Variants in SLCO2B1 observed in about 807,000 individuals in gnomAD.
SLCO2B1 encodes the protein solute carrier organic anion transporter family member 2B1, also known as OATP-RP2.
SLCO2B1 carries 41 observed loss-of-function variants against 67.3 expected under a neutral mutation model. The observed-to-expected ratio is 0.61, with a 90% CI of 0.47 to 0.79. The LOEUF (loss-of-function observed/expected upper bound fraction) is 0.79. SLCO2B1 is among the 30% of genes least tolerant of loss of function. The probability of loss-of-function intolerance (pLI) is 0.00; values close to 1 mark genes in which losing one functional copy is unlikely to be tolerated. For synonymous variants in SLCO2B1, 379 were observed against 381.4 expected, an observed-to-expected ratio of 0.99 and a Z score of 0.07; for missense variants, 837 against 920.1, an observed-to-expected ratio of 0.91 and a Z score of 1.17.
chr11:75,159,154 A>G (rs1473720261), intron 1 of SLCO2B1, among the ~76,000 whole-genome samples: 1 of 152,244 alleles, frequency 6.6e-6, no homozygotes, highest in African/African-American at 2.4e-5. Flanking sequence ...GAAAGACAGT[A>G]GCCCGCCGGC....
chr11:75,189,703 T>C (rs1365549447), intron 8 of SLCO2B1, among the ~76,000 whole-genome samples: 4 of 152,074 alleles, frequency 2.6e-5, no homozygotes, highest in African/African-American at 2.4e-5. Context: ...TCCCAGCACT[T>C]TGGGGGACCA....
In SLCO2B1 at chr11:75,151,291, G is replaced by A. The variant is rs904303086; in HGVS notation, c.-91G>A. ...GTGGCTCACCTGCTGCTGTCTCCAG[G>A]AGCCCCTGAGAAGATTTGCTTCCTC... On this transcript the variant is annotated 5_prime_UTR_variant, in exon 1 of 14. Transcript: ENST00000289575. 6.7e-6 allele frequency: 8 copies of A among 1,199,034 alleles called. No individual in the cohort carries two copies. The African/African-American group carries it at 7.5e-5, about 11-fold the overall frequency. 74.3% of individuals were successfully genotyped at this position (1,199,034 alleles called of 1,614,324 possible).
intron 8 of SLCO2B1, among the ~76,000 whole-genome samples, chr11:75,189,109 C>T (rs1037760202): frequency 7.9e-5 from 12 of 152,200 alleles, no homozygotes; most frequent in African/African-American, 1.2e-4. Context: ...AATGATCTAA[C>T]GTCTTGAGGC....
Position 75,164,485 on chromosome 11 carries a change from G to A in SLCO2B1, c.285+385G>A, listed in dbSNP as rs546536778. Among the ~76,000 whole-genome samples the A allele has an allele frequency of 2.6e-4, 39 of 152,270 alleles. No individual in the cohort carries two copies. The South Asian group carries it at 7.5e-3, about 29-fold the overall frequency. ...AAATCGCATCAAGAGCAGAACCTCT[G>A]GGCCTTGGGATGGTCGCGGGAGGGA... On this transcript the variant is annotated intron_variant, in intron 3 of 13. Transcript: ENST00000289575.
chr11:75,206,484 T>C lies in SLCO2B1; in HGVS notation c.*1904T>C, dbSNP rs1353419847. ...TAAGGTCATGAGGATTTCTGAATCCTCACCTGTCCAAATTGTCATTCACAT... is the reference window on the plus strand; with the variant it reads ...TAAGGTCATGAGGATTTCTGAATCCCCACCTGTCCAAATTGTCATTCACAT... On this transcript the variant is annotated 3_prime_UTR_variant, in exon 14 of 14. Coordinates refer to ENST00000289575, the MANE Select transcript of SLCO2B1 (RefSeq NM_007256.5). The C allele has an allele frequency of 6.6e-6, 1 of 152,226 alleles. No individual in the cohort carries two copies. The highest frequency in any genetic ancestry group is 2.4e-5 in the African/African-American group (1 of 41,452). The allele number at this position is 152,226 out of a possible 1,614,324, so 9.4% of individuals were successfully genotyped here.
chr11:75,152,879 G>A (rs117144791), intron 1 of SLCO2B1, among the ~76,000 whole-genome samples: 1 of 152,166 alleles, frequency 6.6e-6, no homozygotes, highest in Non-Finnish European at 1.5e-5. Context: ...GTGGGAATGT[G>A]GGTGGGGTAG....
At chr11:75,180,821 A>G (rs1354775256) in intron 7 of SLCO2B1, among the ~76,000 whole-genome samples, 1 of 152,220 alleles carries the variant, frequency 6.6e-6, no homozygotes, top group African/African-American at 2.4e-5. Flanking sequence ...CCCATCTTAT[A>G]CCAGAGGGAC....
intron 10 of SLCO2B1, among the ~76,000 whole-genome samples, chr11:75,197,340 G>C (rs1945115013): frequency 6.6e-6 from 1 of 152,262 alleles, no homozygotes; most frequent in Non-Finnish European, 1.5e-5. Context: ...TTCATGGGAA[G>C]TGGCATTTGT....
rs369513696 is a variant in SLCO2B1, at chr11:75,193,531, C to T, written c.1389C>T (p.Ile463=). 2.9e-5 allele frequency: 46 copies of T among 1,581,050 alleles called. No individual in the cohort carries two copies. Among genetic ancestry groups the T allele is most frequent in the East Asian group, 6.7e-5 (3 of 44,502 alleles). The change falls in exon 9 of 14, where the codon ATC becomes ATT. Residue 463 remains isoleucine (I), a synonymous_variant. Transcript: ENST00000289575. The surrounding 1 kb of genome is among the most constrained non-coding windows in gnomAD (Gnocchi z 4.2). ...CLFFSLPLFF[I]GCSSHQIAGI... is the part of the protein sequence containing the mutation. ...TCTTCAGCCTGCCGCTCTTCTTTAT[C>T]GGCTGCTCCAGCCACCAGATTGCGG...
intron 1 of SLCO2B1, among the ~76,000 whole-genome samples, chr11:75,155,235 A>G (rs1733371614): frequency 6.6e-6 from 1 of 151,926 alleles, no homozygotes; most frequent in South Asian, 2.1e-4. Context: ...GCTGGGAGGA[A>G]TTTCCCAAAT....
intron 7 of SLCO2B1, among the ~76,000 whole-genome samples, chr11:75,186,502 C>T (rs1944934714): frequency 6.6e-6 from 1 of 151,746 alleles, no homozygotes; most frequent in Non-Finnish European, 1.5e-5. Context: ...AGCCGCCACG[C>T]CCGACTGATT....
At chr11:75,188,085 G>C (rs1944964467) in intron 7 of SLCO2B1, 51 bp from the exon 8 acceptor site, 3 of 1,330,832 alleles carry the variant, frequency 2.3e-6, no homozygotes, top group East Asian at 4.7e-5. Flanking sequence ...CCAACTCTGA[G>C]TGGGGTTGCT....
Position 75,193,231 on chromosome 11 carries a change from G to A in SLCO2B1, c.1089G>A (p.Val363=). The A allele has an allele frequency of 6.2e-7, 1 of 1,610,852 alleles. No homozygotes were observed. Among genetic ancestry groups the A allele is most frequent in the Admixed American group, 1.7e-5 (1 of 59,950 alleles). ...TCGCCCCCACAGTCTTCCCCAGGGT[G>A]CTGCTGCAGACCCTACGCCACCCCA... is the stretch of plus-strand genomic sequence containing the variant. The part of the protein sequence containing the change: ...VIQFIKVFPR[V]LLQTLRHPIF... The change falls in exon 9 of 14, where the codon GTG becomes GTA. Residue 363 remains valine (V), a synonymous_variant. Transcript: ENST00000289575. This position sits in a 1 kb window ranked among gnomAD's most constrained non-coding sequence, Gnocchi z 4.2.
At chr11:75,170,968 G>A (rs1026512516) in intron 6 of SLCO2B1, among the ~76,000 whole-genome samples, 4 of 152,198 alleles carry the variant, frequency 2.6e-5, no homozygotes, top group Non-Finnish European at 4.4e-5. Flanking sequence ...CTCCATGGGG[G>A]ATTTCACAGG....
intron 7 of SLCO2B1, among the ~76,000 whole-genome samples, chr11:75,175,497 G>A (rs1031140214): frequency 6.6e-6 from 1 of 152,160 alleles, no homozygotes; most frequent in Non-Finnish European, 1.5e-5. Context: ...CAGGCTCAGG[G>A]CTCAGGGGTC....
intron 7 of SLCO2B1, among the ~76,000 whole-genome samples, chr11:75,186,734 C>T (rs1187502050): frequency 6.6e-6 from 1 of 152,192 alleles, no homozygotes; most frequent in Non-Finnish European, 1.5e-5. Context: ...AATTACACTC[C>T]ACTTGCCCAC....
Position 75,169,283 on chromosome 11 carries a change from A to C in SLCO2B1, c.559A>C (p.Ser187Arg), listed in dbSNP as rs753616277. 4 of 1,613,928 alleles carry C rather than the reference A, an allele frequency of 2.5e-6. No individual in the cohort carries two copies. The African/African-American group carries it at 5.3e-5, about 22-fold the overall frequency. ...AAGCTACACAGAAACCCAGCATCTG[A>C]GTGTGGTGGGGATCATGTTCGTGGC... ...CSSYTETQHL[S>R]VVGIMFVAQT... Residue 187 changes from serine to arginine, a missense_variant, in exon 5 of 14, where the codon AGT becomes CGT. Ser to Arg is a moderately radical substitution (Grantham distance 110). Transcript: ENST00000289575.
chr11:75,169,288 G>A lies in SLCO2B1; in HGVS notation c.564G>A (p.Val188=). 1 of 1,614,180 alleles carries A rather than the reference G, an allele frequency of 6.2e-7. No individual in the cohort carries two copies. Among genetic ancestry groups the A allele is most frequent in the Non-Finnish European group, 8.5e-7 (1 of 1,180,024 alleles). The change falls in exon 5 of 14, where the codon GTG becomes GTA. Residue 188 remains valine, a synonymous_variant. Coordinates refer to ENST00000289575, the MANE Select transcript of SLCO2B1 (RefSeq NM_007256.5). ...ACACAGAAACCCAGCATCTGAGTGTGGTGGGGATCATGTTCGTGGCACAGA... is the reference window on the plus strand; with the variant it reads ...ACACAGAAACCCAGCATCTGAGTGTAGTGGGGATCATGTTCGTGGCACAGA... ...SSYTETQHLS[V]VGIMFVAQTL... is the part of the protein sequence containing the mutation.
intron 7 of SLCO2B1, among the ~76,000 whole-genome samples, chr11:75,176,926 G>T (rs918041605): frequency 6.6e-6 from 1 of 152,210 alleles, no homozygotes; most frequent in Non-Finnish European, 1.5e-5. Flanking sequence ...CCAGAGGTTG[G>T]ACAGCACCAC....
Sources: gnomAD v4.1 joint callset for allele counts (sites outside exome capture counted in the v4.1 genomes callset) on GRCh38, gnomAD v4.1.1 for gene constraint, Gnocchi (gnomAD v3.1) non-coding constraint, MANE v1.5 for transcripts, NCBI Gene and HGNC (gene_info 2026-07-23, HGNC 2026-07-21) for gene names.